Variants in PAM observed in about 807,000 individuals in gnomAD.
PAM encodes peptidyl-glycine alpha-amidating monooxygenase.
PAM carries 72 observed loss-of-function variants against 122.1 expected under a neutral mutation model. That is an observed-to-expected ratio of 0.59 (90% CI 0.49 to 0.72). The LOEUF is 0.72. Among genes scored for constraint, PAM ranks in the 30% least tolerant of loss-of-function variants. PAM has a pLI of 0.00. For missense variants in PAM, 1,106 were observed against 1,183.7 expected (o/e 0.93, Z 0.96); for synonymous variants, 389 against 404.4 (o/e 0.96, Z 0.46).
intron 21 of PAM, among the ~76,000 whole-genome samples, chr5:103,016,299 A>T (rs562781652): frequency 1.3e-5 from 2 of 152,338 alleles, no homozygotes; most frequent in African/African-American, 4.8e-5. Flanking sequence ...TGAGCTAGGA[A>T]CAGTAGTTTG....
At chr5:102,966,411 G>A (rs1373595183) in intron 14 of PAM, among the ~76,000 whole-genome samples, 3 of 151,828 alleles carry the variant, frequency 2.0e-5, no homozygotes, top group Non-Finnish European at 2.9e-5. Flanking sequence ...TATTTGTCTC[G>A]TTTTCTTAAA....
intron 1 of PAM, among the ~76,000 whole-genome samples, chr5:102,864,163 C>CATATATAT (rs373189336): frequency 2.1e-5 from 3 of 140,620 alleles, no homozygotes; most frequent in African/African-American, 7.9e-5. Flanking sequence ...ATCCCTTCTT[C>CATATATAT]ATATATATAT....
intron 19 of PAM, among the ~76,000 whole-genome samples, 181 bp downstream of exon 19, chr5:103,007,192 T>TACACACAC (rs56140031): frequency 0.073 from 10,362 of 141,484 alleles, 534 homozygotes; most frequent in African/African-American, 0.14. Flanking sequence ...CACATATACA[T>TACACACAC]ACACACACAC....
At chr5:102,799,247 G>A (rs528841617) in intron 1 of PAM, among the ~76,000 whole-genome samples, 23 of 152,272 alleles carry the variant, frequency 1.5e-4, no homozygotes, top group African/African-American at 5.3e-4. Context: ...CAAAAGAATA[G>A]TGCCTGGATG....
intron 1 of PAM, among the ~76,000 whole-genome samples, chr5:102,805,927 TCTCA>T (rs978811160): frequency 6.6e-6 from 1 of 152,224 alleles, no homozygotes; most frequent in Non-Finnish European, 1.5e-5. Context: ...GGGCCATTTT[TCTCA>T]CTCACACTTG....
At chr5:102,865,340 CAA>C (rs1399881975) in intron 1 of PAM, 1 of 152,206 alleles carries the variant, frequency 6.6e-6, no homozygotes, top group Admixed American at 6.5e-5. Context: ...CCTTTGTTCT[CAA>C]AAGTCTTTTT....
At chr5:102,973,853 T>C (rs1032611244) in intron 14 of PAM, among the ~76,000 whole-genome samples, 1 of 152,140 alleles carries the variant, frequency 6.6e-6, no homozygotes, top group African/African-American at 2.4e-5. Flanking sequence ...TATTGAAATG[T>C]GCCATGCAAT....
chr5:102,886,443 C>CT (rs1198127053), intron 3 of PAM, among the ~76,000 whole-genome samples: 1 of 151,882 alleles, frequency 6.6e-6, no homozygotes, highest in Non-Finnish European at 1.5e-5. Context: ...TCCACCCCTT[C>CT]TTTTTTTTAA....
chr5:102,838,192 T>C (rs1777597430), intron 1 of PAM: 1 of 152,148 alleles, frequency 6.6e-6, no homozygotes, highest in African/African-American at 2.4e-5. Context: ...CCAAATATCA[T>C]GGCATTTTTT....
intron 1 of PAM, among the ~76,000 whole-genome samples, chr5:102,773,686 T>G (rs1322549461): frequency 6.6e-6 from 1 of 152,072 alleles, no homozygotes; most frequent in Admixed American, 6.6e-5. Context: ...AGGTTTCTCC[T>G]TTTTATTTTT....
chr5:102,891,400 A>G (rs1460391066), intron 3 of PAM, among the ~76,000 whole-genome samples: 1 of 151,892 alleles, frequency 6.6e-6, no homozygotes, highest in African/African-American at 2.4e-5. Context: ...TAAAAGTTCA[A>G]AGCTAAGGAT....
At chr5:102,929,999 G>A (rs1750922321) in intron 7 of PAM, among the ~76,000 whole-genome samples, 1 of 152,002 alleles carries the variant, frequency 6.6e-6, no homozygotes, top group African/African-American at 2.4e-5. Context: ...TTTAGACTGT[G>A]ATCTTCCTTA....
rs538307371 is a variant in PAM, at chr5:102,756,459, A to C, written c.-374+1111A>C. Among the ~76,000 whole-genome samples, 11 of 152,346 alleles carry C rather than the reference A, an allele frequency of 7.2e-5. No homozygotes were observed. In the South Asian group the frequency reaches 2.3e-3, roughly 32 times the overall value. On this transcript the variant is annotated intron_variant, in intron 1 of 25. Coordinates refer to ENST00000438793, the MANE Select transcript of PAM (RefSeq NM_001177306.2). ...GGACTTTGTTTGCTTCAGATGTTTT[A>C]CATTCTTTACAATCGCTTTTCTCTT...
intron 5 of PAM, among the ~76,000 whole-genome samples, chr5:102,924,479 T>G (rs570243576): frequency 6.6e-6 from 1 of 151,862 alleles, no homozygotes; most frequent in African/African-American, 2.4e-5. Flanking sequence ...GGGACACACT[T>G]GTATTGCTCA....
intron 21 of PAM, among the ~76,000 whole-genome samples, chr5:103,012,629 C>A (rs992198284): frequency 2.0e-4 from 31 of 151,980 alleles, no homozygotes; most frequent in African/African-American, 7.0e-4. Context: ...CTGAGACGGG[C>A]AGATCATGAG....
intron 1 of PAM, among the ~76,000 whole-genome samples, chr5:102,824,473 C>G (rs1474560750): frequency 1.3e-5 from 2 of 152,144 alleles, no homozygotes; most frequent in South Asian, 2.1e-4. Flanking sequence ...CTTCCTTATA[C>G]CAAATACAGA....
At chr5:102,779,918 T>TATATATATATATATATATACAC (rs147065045) in intron 1 of PAM, among the ~76,000 whole-genome samples, 5 of 95,666 alleles carry the variant, frequency 5.2e-5, no homozygotes, top group South Asian at 3.7e-4. Flanking sequence ...TATATATATA[T>TATATATATATATATATATACAC]ACACACATAT....
At chr5:102,902,608 AACATAC>A (rs1798300480) in intron 4 of PAM, among the ~76,000 whole-genome samples, 1 of 151,642 alleles carries the variant, frequency 6.6e-6, no homozygotes, top group African/African-American at 2.4e-5. Context: ...TATTATTTAG[AACATAC>A]ATTCATAATT....
intron 15 of PAM, among the ~76,000 whole-genome samples, chr5:102,987,242 C>CG (rs1772167493): frequency 6.6e-6 from 1 of 152,136 alleles, no homozygotes; most frequent in Non-Finnish European, 1.5e-5. Flanking sequence ...CTGTCATTTG[C>CG]AGCAACATGT....
Sources: gnomAD v4.1 joint callset for allele counts (sites outside exome capture counted in the v4.1 genomes callset) on GRCh38, gnomAD v4.1.1 for gene constraint, MANE v1.5 for transcripts, NCBI Gene and HGNC (gene_info 2026-07-23, HGNC 2026-07-21) for gene names.